CDKL1: variants seen among roughly 807,000 people sequenced by gnomAD.
CDKL1 encodes cyclin dependent kinase like 1.
CDKL1 carries 41 observed loss-of-function variants against 42.0 expected under a neutral mutation model. That is an observed-to-expected ratio of 0.98 (90% CI 0.76 to 1.27). CDKL1 has a LOEUF of 1.27. CDKL1 is among the 50% of genes most tolerant of loss of function. The probability of loss-of-function intolerance (pLI) is 0.00; values close to 1 mark genes in which losing one functional copy is unlikely to be tolerated. For missense variants in CDKL1, 394 were observed against 428.4 expected (o/e 0.92, Z 0.71); for synonymous variants, 153 against 158.6 (o/e 0.96, Z 0.26).
Position 50,395,874 on chromosome 14 carries a change from A to G in CDKL1, c.-6T>C. 1 of 1,611,690 alleles carries G rather than the reference A, an allele frequency of 6.2e-7. No homozygotes were observed. The highest frequency in any genetic ancestry group is 8.5e-7 in the Non-Finnish European group (1 of 1,177,904). ...ATTTTTTCATACTTCTCCATCATAG[A>G]GGAATAAATCTTCTTAAAATGGATC... On this transcript the variant is annotated 5_prime_UTR_variant, in exon 2 of 10. Coordinates refer to ENST00000395834, the MANE Select transcript of CDKL1 (RefSeq NM_004196.7).
At chr14:50,362,542 C>A (rs1333620785) in intron 2 of CDKL1, 1 of 190,934 alleles carries the variant, frequency 5.2e-6, no homozygotes, top group Admixed American at 5.9e-5. Flanking sequence ...ACTTGGAGAA[C>A]CTTTATGTGT....
At chr14:50,340,946 A>C in intron 6 of CDKL1, 86 bp downstream of exon 6, 1 of 1,410,678 alleles carries the variant, frequency 7.1e-7, no homozygotes, top group Non-Finnish European at 9.7e-7. Context: ...AAAGGGCATT[A>C]GGTGAGACTG....
At chr14:50,376,187 GT>G (rs2034727158) in intron 2 of CDKL1, 1 of 253,500 alleles carries the variant, frequency 3.9e-6, no homozygotes. Flanking sequence ...ATTGATTATA[GT>G]AACTATACCA....
intron 9 of CDKL1, chr14:50,330,737 G>A (rs1020151304): frequency 1.9e-4 from 29 of 152,312 alleles, no homozygotes; most frequent in African/African-American, 6.8e-4. Flanking sequence ...CTTCCTTCAA[G>A]CTTCCTGAAA....
chr14:50,332,930 T>C (rs2139361563), intron 8 of CDKL1: 1 of 342,416 alleles, frequency 2.9e-6, no homozygotes, highest in Middle Eastern at 8.4e-4. Flanking sequence ...TTTTGGTGTA[T>C]CCCTCCAGAA....
At chr14:50,346,688 T>C (rs1250847047) in intron 3 of CDKL1, among the ~76,000 whole-genome samples, 2 of 150,312 alleles carry the variant, frequency 1.3e-5, no homozygotes, top group Admixed American at 1.3e-4. Flanking sequence ...TCTTGCTCTG[T>C]CACCCAGGCT....
intron 2 of CDKL1, among the ~76,000 whole-genome samples, chr14:50,376,170 T>C (rs1236428955): frequency 6.6e-6 from 1 of 152,210 alleles, no homozygotes; most frequent in Non-Finnish European, 1.5e-5. Flanking sequence ...TGCATCAGCA[T>C]TGGTTCATTG....
intron 2 of CDKL1, among the ~76,000 whole-genome samples, chr14:50,372,909 C>G (rs552078587): frequency 3.4e-4 from 50 of 148,056 alleles, no homozygotes; most frequent in Non-Finnish European, 3.3e-4. Context: ...TTTTTTTTTG[C>G]CAGTACCATT....
At chr14:50,381,817 G>T (rs942143411) in intron 2 of CDKL1, among the ~76,000 whole-genome samples, 3 of 152,106 alleles carry the variant, frequency 2.0e-5, no homozygotes, top group African/African-American at 7.2e-5. Context: ...CTGTCACCCT[G>T]GCTAAAGGGC....
chr14:50,330,027 C>T lies in CDKL1; in HGVS notation c.*47G>A, dbSNP rs543808565. ...TCAACTGTATAAGTTTTATTTTCTTCAAAGCATCTATTGATTCCTTTTTTA... is the reference window on the plus strand; with the variant it reads ...TCAACTGTATAAGTTTTATTTTCTTTAAAGCATCTATTGATTCCTTTTTTA... On this transcript the variant is annotated 3_prime_UTR_variant, in exon 10 of 10. Transcript: ENST00000395834. The T allele has an allele frequency of 3.2e-6, 5 of 1,585,276 alleles. No homozygotes were observed. Among genetic ancestry groups the T allele is most frequent in the East Asian group, 4.5e-5 (2 of 44,176 alleles).
Position 50,350,040 on chromosome 14 carries a change from A to C in CDKL1, c.291-4982T>G, listed in dbSNP as rs571463505. On this transcript the variant is annotated intron_variant, in intron 3 of 9. Coordinates refer to ENST00000395834, the MANE Select transcript of CDKL1 (RefSeq NM_004196.7). ...GTAATCTGCCTGCCTTGGCCTCCCA[A>C]AGTGCTGGGATTACAGGTGTGAGCC... 5.3e-5 allele frequency among the ~76,000 whole-genome samples: 8 copies of C among 152,288 alleles called. No homozygotes were observed. The South Asian group carries it at 1.0e-3, about 20-fold the overall frequency.
At chr14:50,330,617 A>C (rs544295976) in intron 9 of CDKL1, 1 of 160,576 alleles carries the variant, frequency 6.2e-6, no homozygotes, top group Non-Finnish European at 1.4e-5. Context: ...CACAGTGTAC[A>C]CTTGTAGTTC....
At position 50,328,702 on chromosome 14, in the gene CDKL1, C is replaced by T. The variant is rs2032794911; in HGVS notation, c.*1372G>A. 1 of 151,988 alleles carries T rather than the reference C, an allele frequency of 6.6e-6. No individual in the cohort carries two copies. Among genetic ancestry groups the T allele is most frequent in the African/African-American group, 2.4e-5 (1 of 41,372 alleles). 9.4% of individuals were successfully genotyped at this position (151,988 alleles called of 1,614,324 possible). On this transcript the variant is annotated 3_prime_UTR_variant, in exon 10 of 10. Transcript: ENST00000395834. ...TAGACCAAATCAAAGCTAATTATGT[C>T]ATTTTGGCCAGGCGCAGTGGCTCAT...
intron 2 of CDKL1, chr14:50,362,378 A>G (rs188123938): frequency 8.7e-5 from 24 of 275,210 alleles, no homozygotes; most frequent in Non-Finnish European, 1.5e-4. Flanking sequence ...GGGGACTTGG[A>G]GAACCTTTAT....
chr14:50,335,295 CAAAAAAAAA>C (rs55777134), intron 7 of CDKL1, among the ~76,000 whole-genome samples: 106 of 54,312 alleles, frequency 2.0e-3, no homozygotes, highest in Non-Finnish European at 3.4e-3. Flanking sequence ...GACCCTGTCT[CAAAAAAAAA>C]AAAAAAAAAA....
In CDKL1 at chr14:50,329,054, T is replaced by C. The variant is rs1376137070; in HGVS notation, c.*1020A>G. On this transcript the variant is annotated 3_prime_UTR_variant, in exon 10 of 10. Coordinates refer to ENST00000395834, the MANE Select transcript of CDKL1 (RefSeq NM_004196.7). Reference sequence around the variant, plus strand: ...AGAATAGCATATATATATATATATATATATATATACATACACATACATACA... The same window carrying C: ...AGAATAGCATATATATATATATATACATATATATACATACACATACATACA... 6.7e-6 allele frequency: 1 copy of C among 149,020 alleles called. No individual in the cohort carries two copies. The highest frequency in any genetic ancestry group is 1.9e-4 in the East Asian group (1 of 5,154). 9.2% of individuals were successfully genotyped at this position (149,020 alleles called of 1,614,324 possible). A position where few individuals can be genotyped will look rare whatever the true frequency, so the allele number is the denominator to read the frequency against.
chr14:50,337,229 G>A (rs1463459652), intron 7 of CDKL1, among the ~76,000 whole-genome samples: 1 of 151,620 alleles, frequency 6.6e-6, no homozygotes, highest in Non-Finnish European at 1.5e-5. Context: ...GGCTGGTCTC[G>A]AACTCCTGGG....
At position 50,341,220 on chromosome 14, in the gene CDKL1, T is replaced by TCA. The variant is rs1319032704; in HGVS notation, c.465_466dup (p.Asp156ValfsTer59). 1 of 1,595,030 alleles carries TCA rather than the reference T, an allele frequency of 6.3e-7. No homozygotes were observed. The highest frequency in any genetic ancestry group is 8.6e-7 in the Non-Finnish European group (1 of 1,168,004). ...GGTAGCCACGTAGTCTGTATAGTAG[T>TCA]CACTCGGTCCAGCTAGCCAGTGATG... On this transcript the variant is annotated frameshift_variant, in exon 6 of 10. Transcript: ENST00000395834. LOFTEE classifies it high-confidence loss of function.
Position 50,341,140 on chromosome 14 carries a change from C to T in CDKL1, c.547G>A (p.Val183Met). ...LVGDTQYGPP[V>M]DVWAIGCVFA... ...ACACAGCCAATTGCCCAAACATCCA[C>T]CGGGGGGCCGTACTGCGTGTCCCCC... is the stretch of plus-strand genomic sequence containing the variant. Residue 183 changes from valine (V) to methionine (M), a missense_variant, in exon 6 of 10, where the codon GTG (valine) becomes ATG (methionine). By Grantham distance (21) the Val-to-Met change is conservative. Transcript: ENST00000395834. 6.2e-7 allele frequency: 1 copy of T among 1,614,208 alleles called. No individual in the cohort carries two copies. Among genetic ancestry groups the T allele is most frequent in the Non-Finnish European group, 8.5e-7 (1 of 1,180,038 alleles).
Sources: allele counts gnomAD v4.1 joint callset (sites outside exome capture counted in the v4.1 genomes callset), GRCh38; gene constraint gnomAD v4.1.1; transcripts MANE v1.5; gene names NCBI Gene and HGNC (gene_info 2026-07-23, HGNC 2026-07-21).